The following DCLK1 variants were observed in gnomAD, a reference collection of about 807,000 sequenced individuals.
DCLK1 encodes doublecortin like kinase 1, also known as serine/threonine-protein kinase DCLK1.
In DCLK1, 16 loss-of-function variants were observed where a neutral mutation model predicts 86.2. That is an observed-to-expected ratio of 0.19 (90% CI 0.13 to 0.28). The LOEUF is 0.28. DCLK1 is among the 10% of genes least tolerant of loss of function. DCLK1 has a pLI of 1.00. For missense variants in DCLK1, 590 were observed against 940.2 expected, an observed-to-expected ratio of 0.63 and a Z score of 4.87; for synonymous variants, 369 against 370.5, an observed-to-expected ratio of 1.00 and a Z score of 0.05.
Position 35,871,291 on chromosome 13 carries a change from G to A in DCLK1, c.873C>T (p.Ser291=). 3 of 1,613,898 alleles carry A rather than the reference G, an allele frequency of 1.9e-6. No homozygotes were observed. In the Admixed American group the frequency reaches 5.0e-5, roughly 27 times the overall value. Residue 291 remains serine, a synonymous_variant, in exon 5 of 17, where the codon TCC becomes TCT. Coordinates refer to ENST00000360631, the MANE Select transcript of DCLK1 (RefSeq NM_001330071.2). Reference sequence around the variant, plus strand: ...CTGGGCTCTTGGTGGTGCTCCTGCGGGATGATGAAGCTATTTTGGTGTAAG... The same window carrying A: ...CTGGGCTCTTGGTGGTGCTCCTGCGAGATGATGAAGCTATTTTGGTGTAAG... ...STSYTKIASS[S]RRSTTKSPGP... is the part of the protein sequence containing the mutation.
intron 4 of DCLK1, among the ~76,000 whole-genome samples, chr13:35,877,364 G>A (rs1872648429): frequency 6.6e-6 from 1 of 152,174 alleles, no homozygotes; most frequent in African/African-American, 2.4e-5. Flanking sequence ...TGTTATAGAA[G>A]GTGCTGAAGA....
intron 4 of DCLK1, among the ~76,000 whole-genome samples, chr13:35,872,926 T>G (rs552626811): frequency 6.6e-6 from 1 of 152,330 alleles, no homozygotes; most frequent in South Asian, 2.1e-4. Context: ...TATAATCATC[T>G]TTCTTGGTCA....
At position 36,006,633 on chromosome 13, in the gene DCLK1, C is replaced by T. The variant is rs544992165; in HGVS notation, c.724-59176G>A. Among the ~76,000 whole-genome samples the T allele has an allele frequency of 1.8e-4, 28 of 152,250 alleles. 1 individual carries two copies. The highest frequency in any genetic ancestry group is 1.4e-3 in the Admixed American group (21 of 15,302). On this transcript the variant is annotated intron_variant, in intron 3 of 16. Coordinates refer to ENST00000360631, the MANE Select transcript of DCLK1 (RefSeq NM_001330071.2). ...GGCGCAGCCCTGAAAGGAGAGGCCACGGGGGAGAAAAAATTACTTCATTTT... is the reference window on the plus strand; with the variant it reads ...GGCGCAGCCCTGAAAGGAGAGGCCATGGGGGAGAAAAAATTACTTCATTTT...
chr13:35,883,609 G>C (rs1192868009), intron 4 of DCLK1, among the ~76,000 whole-genome samples: 1 of 152,170 alleles, frequency 6.6e-6, no homozygotes, highest in Non-Finnish European at 1.5e-5. Context: ...AATGGACTAA[G>C]ACAGCAGTGG....
At chr13:36,006,630 C>T (rs1593810446) in intron 3 of DCLK1, among the ~76,000 whole-genome samples, 3 of 152,294 alleles carry the variant, frequency 2.0e-5, no homozygotes, top group East Asian at 1.9e-4. Context: ...AAAGGAGAGG[C>T]CACGGGGGAG....
chr13:35,780,548 C>G (rs1271685978), intron 16 of DCLK1, among the ~76,000 whole-genome samples: 1 of 152,192 alleles, frequency 6.6e-6, no homozygotes, highest in Non-Finnish European at 1.5e-5. Context: ...CAGATATGTG[C>G]ACAATAGTGA....
At chr13:35,987,079 TGAG>T (rs1470987554) in intron 3 of DCLK1, among the ~76,000 whole-genome samples, 1 of 152,186 alleles carries the variant, frequency 6.6e-6, no homozygotes, top group Non-Finnish European at 1.5e-5. Context: ...TCTCATTAAT[TGAG>T]CAGAGAAAGG....
intron 4 of DCLK1, among the ~76,000 whole-genome samples, chr13:35,873,623 T>C (rs572564769): frequency 6.6e-6 from 1 of 152,174 alleles, no homozygotes; most frequent in Admixed American, 6.5e-5. Context: ...TGACCTCAAA[T>C]GATCCACCCA....
At chr13:35,846,234 A>G in intron 6 of DCLK1, 1 of 985,108 alleles carries the variant, frequency 1.0e-6, no homozygotes. Flanking sequence ...CTTTATAAAA[A>G]CGTTATCCAA....
At chr13:35,945,716 C>T (rs946029377) in intron 4 of DCLK1, among the ~76,000 whole-genome samples, 1 of 152,120 alleles carries the variant, frequency 6.6e-6, no homozygotes, top group Non-Finnish European at 1.5e-5. Context: ...CTGTTCTACA[C>T]AATGGCAAAG....
chr13:36,006,122 C>T (rs1457786258), intron 3 of DCLK1, among the ~76,000 whole-genome samples: 4 of 152,082 alleles, frequency 2.6e-5, no homozygotes, highest in Non-Finnish European at 5.9e-5. Context: ...CCATAGTACA[C>T]GTATACCTAT....
chr13:36,002,204 G>T (rs146009643), intron 3 of DCLK1, among the ~76,000 whole-genome samples: 170 of 152,246 alleles, frequency 1.1e-3, no homozygotes, highest in African/African-American at 3.9e-3. Context: ...TTTACTTTAA[G>T]CCAAGTGAGG....
intron 3 of DCLK1, among the ~76,000 whole-genome samples, chr13:36,033,744 G>A (rs542846891): frequency 6.6e-6 from 1 of 152,242 alleles, no homozygotes; most frequent in East Asian, 1.9e-4. Context: ...TGACCAACAT[G>A]GAGAAACCCC....
intron 4 of DCLK1, among the ~76,000 whole-genome samples, chr13:35,896,642 G>A (rs566660853): frequency 1.3e-4 from 19 of 148,260 alleles, no homozygotes; most frequent in Non-Finnish European, 2.5e-4. Flanking sequence ...AGCAAAGTTC[G>A]TCTTATTGAG....
At chr13:35,818,273 T>A (rs2153104262) in intron 11 of DCLK1, among the ~76,000 whole-genome samples, 1 of 152,256 alleles carries the variant, frequency 6.6e-6, no homozygotes, top group Admixed American at 6.5e-5. Flanking sequence ...GAATTAAGAG[T>A]CATGGGATTA....
At chr13:35,995,104 T>C (rs1880412674) in intron 3 of DCLK1, among the ~76,000 whole-genome samples, 1 of 152,224 alleles carries the variant, frequency 6.6e-6, no homozygotes, top group Non-Finnish European at 1.5e-5. Context: ...TTCTCCAAGG[T>C]AGCTTTGTAG....
Position 35,830,125 on chromosome 13 carries a change from C to T in DCLK1, c.1230-1818G>A, listed in dbSNP as rs570480453. Among the ~76,000 whole-genome samples, 3 of 152,260 alleles carry T rather than the reference C, an allele frequency of 2.0e-5. No individual in the cohort carries two copies. In the South Asian group the frequency reaches 6.2e-4, roughly 32 times the overall value. On this transcript the variant is annotated intron_variant, in intron 8 of 16. Coordinates refer to ENST00000360631, the MANE Select transcript of DCLK1 (RefSeq NM_001330071.2). The stretch of plus-strand genomic sequence containing the variant: ...ACGTGGGTTGGGGCAGTGGCTCATG[C>T]CTATAATCCCAGCACTTTGGGAGGC...
chr13:35,823,149 C>T (rs1454072402), intron 10 of DCLK1, among the ~76,000 whole-genome samples: 1 of 152,106 alleles, frequency 6.6e-6, no homozygotes, highest in Non-Finnish European at 1.5e-5. Context: ...TTCCACAGAT[C>T]CCAGCTAGGG....
chr13:35,933,721 G>A (rs1876588168), intron 4 of DCLK1, among the ~76,000 whole-genome samples: 1 of 152,164 alleles, frequency 6.6e-6, no homozygotes, highest in Non-Finnish European at 1.5e-5. Context: ...CTGGGCCCAG[G>A]CCACAAAACC....
Sources: allele counts gnomAD v4.1 joint callset (sites outside exome capture counted in the v4.1 genomes callset), GRCh38; gene constraint gnomAD v4.1.1; transcripts MANE v1.5; gene names NCBI Gene and HGNC (gene_info 2026-07-23, HGNC 2026-07-21).